The following FAM78B variants were observed in gnomAD, a reference collection of about 807,000 sequenced individuals.
FAM78B encodes the protein protein FAM78B.
Under a neutral mutation model 20.0 loss-of-function variants are expected in FAM78B, and 10 were observed. That is an observed-to-expected ratio of 0.50 (90% CI 0.31 to 0.85). FAM78B has a LOEUF of 0.85. Ranked by LOEUF, FAM78B falls within the 40% of genes least tolerant of loss-of-function variation. FAM78B has a pLI of 0.05. For synonymous variants in FAM78B, 135 were observed against 132.8 expected, an observed-to-expected ratio of 1.02 and a Z score of -0.12; for missense variants, 283 against 345.0, an observed-to-expected ratio of 0.82 and a Z score of 1.42.
intron 1 of FAM78B, among the ~76,000 whole-genome samples, chr1:166,098,807 A>G (rs999972459): frequency 4.6e-5 from 7 of 152,300 alleles, no homozygotes; most frequent in Middle Eastern, 6.8e-3. Flanking sequence ...AAAAGCTTGG[A>G]AAACATATTT....
downstream of FAM78B, among the ~76,000 whole-genome samples, chr1:166,067,220 C>T (rs889367833): frequency 6.6e-6 from 1 of 151,920 alleles, no homozygotes; most frequent in African/African-American, 2.4e-5. Flanking sequence ...ATGGGGCCTT[C>T]TCTTGGCTCT....
At chr1:166,138,603 C>G (rs1655162850) in intron 1 of FAM78B, among the ~76,000 whole-genome samples, 1 of 152,158 alleles carries the variant, frequency 6.6e-6, no homozygotes, top group African/African-American at 2.4e-5. Context: ...CTAAAAAAAC[C>G]TAACAAGGTC....
chr1:166,059,527 A>G (rs774872254), exon 3 of FAM78B: 7 of 152,218 alleles, frequency 4.6e-5, no homozygotes, highest in Admixed American at 2.0e-4. Flanking sequence ...AGCTCCTCAG[A>G]TGATTCTAAC....
At chr1:166,091,639 C>CTAAT (rs1653078119) in intron 1 of FAM78B, among the ~76,000 whole-genome samples, 1 of 152,160 alleles carries the variant, frequency 6.6e-6, no homozygotes, top group African/African-American at 2.4e-5. Flanking sequence ...TATCTCAAGC[C>CTAAT]TAATTCTTTA....
rs538040589 is a variant in FAM78B, at chr1:166,119,678, T to C, written c.263+46308A>G. 5.3e-5 allele frequency among the ~76,000 whole-genome samples: 8 copies of C among 152,336 alleles called. No individual in the cohort carries two copies. The South Asian group carries it at 1.0e-3, about 20-fold the overall frequency. ...ACAGTTTCTGCATTTCCACTTCTAT[T>C]ACACATCTCTCTTGGACAGACAGGA... is the stretch of plus-strand genomic sequence containing the variant. On this transcript the variant is annotated intron_variant, in intron 1 of 1. Transcript: ENST00000354422.
At chr1:166,144,654 A>C (rs961427445) in intron 1 of FAM78B, among the ~76,000 whole-genome samples, 4 of 152,122 alleles carry the variant, frequency 2.6e-5, no homozygotes, top group Non-Finnish European at 5.9e-5. Context: ...AGCTCTTGAC[A>C]GACAGGGAGT....
chr1:166,106,851 C>A (rs1348026538), intron 1 of FAM78B, among the ~76,000 whole-genome samples: 1 of 152,042 alleles, frequency 6.6e-6, no homozygotes, highest in Non-Finnish European at 1.5e-5. Flanking sequence ...AAGAAACTTG[C>A]ACATGTACCC....
At chr1:166,100,361 A>G (rs571797212) in intron 1 of FAM78B, among the ~76,000 whole-genome samples, 4 of 152,332 alleles carry the variant, frequency 2.6e-5, no homozygotes, top group Admixed American at 2.6e-4. Context: ...CAGTAGGTGC[A>G]GTGCACCTAG....
At position 166,165,812 on chromosome 1, in the gene FAM78B, C is replaced by G. The variant is rs1157406000; in HGVS notation, c.263+174G>C. Among the ~76,000 whole-genome samples, 2 of 152,120 alleles carry G rather than the reference C, an allele frequency of 1.3e-5. 1 individual carries two copies. Among genetic ancestry groups the G allele is most frequent in the Non-Finnish European group, 2.9e-5 (2 of 68,022 alleles). On this transcript the variant is annotated intron_variant, in intron 1 of 1. Transcript: ENST00000354422. ...CCTTCGCAAGGAGCCTCCCTACACC[C>G]GCCCTGTCACTGAAACAAAAGCGTA...
At chr1:166,112,552 A>G (rs750375762) in intron 1 of FAM78B, among the ~76,000 whole-genome samples, 1 of 152,202 alleles carries the variant, frequency 6.6e-6, no homozygotes, top group Non-Finnish European at 1.5e-5. Flanking sequence ...CTTGGATTCT[A>G]ATGATGACAA....
At chr1:166,070,789 G>A in intron 1 of FAM78B, 26 bp from the exon 2 acceptor site, 1 of 1,515,208 alleles carries the variant, frequency 6.6e-7, no homozygotes, top group Non-Finnish European at 8.8e-7. Flanking sequence ...ACATGCACAA[G>A]AAAAGAAGAG....
chr1:166,101,612 G>C (rs560775699), intron 1 of FAM78B, among the ~76,000 whole-genome samples: 25 of 152,352 alleles, frequency 1.6e-4, no homozygotes, highest in African/African-American at 6.0e-4. Flanking sequence ...GGGTATCAGT[G>C]ATTGAAGATC....
intron 1 of FAM78B, 132 bp downstream of exon 1, chr1:166,165,854 G>A (rs1656350982): frequency 2.0e-6 from 2 of 1,018,580 alleles, no homozygotes; most frequent in East Asian, 5.1e-5. Flanking sequence ...AGGGAGGTGG[G>A]AGAGGAGGCG....
intron 1 of FAM78B, among the ~76,000 whole-genome samples, chr1:166,120,089 G>A (rs1654411972): frequency 6.6e-6 from 1 of 152,174 alleles, no homozygotes. Context: ...GGCATTGGGT[G>A]GGCTGCCGAG....
chr1:166,160,694 T>C (rs1458724959), intron 1 of FAM78B, among the ~76,000 whole-genome samples: 1 of 152,224 alleles, frequency 6.6e-6, no homozygotes, highest in African/African-American at 2.4e-5. Flanking sequence ...GACAGACTAT[T>C]TGAGGTCAGA....
At chr1:166,129,343 C>T (rs994631160) in intron 1 of FAM78B, among the ~76,000 whole-genome samples, 4 of 152,210 alleles carry the variant, frequency 2.6e-5, no homozygotes, top group African/African-American at 7.2e-5. Flanking sequence ...TGCACAGGAA[C>T]CAAAGCCCCA....
At chr1:166,090,428 A>C (rs1370746307) in intron 1 of FAM78B, among the ~76,000 whole-genome samples, 2 of 152,198 alleles carry the variant, frequency 1.3e-5, no homozygotes, top group Admixed American at 1.3e-4. Context: ...GGCTGAAAAA[A>C]ACAAAACAGG....
chr1:166,130,864 A>G (rs1654846809), intron 1 of FAM78B, among the ~76,000 whole-genome samples: 2 of 152,158 alleles, frequency 1.3e-5, no homozygotes, highest in South Asian at 4.1e-4. Context: ...ACACTGTGGC[A>G]GAACTCAGAA....
At chr1:166,142,877 C>A (rs145382929) in intron 1 of FAM78B, among the ~76,000 whole-genome samples, 141 of 152,306 alleles carry the variant, frequency 9.3e-4, no homozygotes, top group African/African-American at 3.1e-3. Context: ...TGTGTCAGGG[C>A]ACAGGGTGCA....
Sources: gnomAD v4.1 joint callset for allele counts (sites outside exome capture counted in the v4.1 genomes callset) on GRCh38, gnomAD v4.1.1 for gene constraint, MANE v1.5 for transcripts, NCBI Gene and HGNC (gene_info 2026-07-23, HGNC 2026-07-21) for gene names.